RAB20: variants seen among roughly 807,000 people sequenced by gnomAD.
RAB20 encodes the protein RAB20, member RAS oncogene family, also known as ras-related protein Rab-20.
A neutral mutation model predicts 3.7 loss-of-function variants in RAB20; 2 were observed. The observed-to-expected ratio is 0.54, with a 90% CI of 0.22 to 1.69. RAB20 has a LOEUF of 1.69. RAB20 is among the 40% of genes most tolerant of loss of function. RAB20 has a pLI of 0.19. For synonymous variants in RAB20, 126 were observed against 130.8 expected, an observed-to-expected ratio of 0.96 and a Z score of 0.25; for missense variants, 276 against 311.9, an observed-to-expected ratio of 0.88 and a Z score of 0.87.
intron 1 of RAB20, among the ~76,000 whole-genome samples, chr13:110,557,456 C>T (rs963539500): frequency 1.6e-4 from 25 of 152,214 alleles, no homozygotes; most frequent in Admixed American, 6.5e-4. Context: ...CCATCCGGAA[C>T]GCCTGTGCTG....
At position 110,523,716 on chromosome 13, in the gene RAB20, A is replaced by AT; in HGVS notation, c.653dup (p.Asp218GlufsTer6). ...TCTTGGGTGGCTTATGACTGGATAT[A>AT]TCCACTGTGTGTGACGGCCTCTCAG... On this transcript the variant is annotated frameshift_variant, in exon 2 of 2. Coordinates refer to ENST00000267328, the MANE Select transcript of RAB20 (RefSeq NM_017817.3). LOFTEE classifies it low-confidence loss of function (END_TRUNC). The AT allele has an allele frequency of 1.2e-6, 2 of 1,614,202 alleles. No homozygotes were observed. The highest frequency in any genetic ancestry group is 1.7e-6 in the Non-Finnish European group (2 of 1,180,044).
chr13:110,528,378 T>C (rs1884469125), intron 1 of RAB20, among the ~76,000 whole-genome samples: 1 of 139,466 alleles, frequency 7.2e-6, no homozygotes, highest in Admixed American at 7.8e-5. Context: ...ATAGCGCCAC[T>C]GCACTCCAGC....
At chr13:110,549,117 C>T (rs1424406381) in intron 1 of RAB20, among the ~76,000 whole-genome samples, 2 of 152,178 alleles carry the variant, frequency 1.3e-5, no homozygotes, top group African/African-American at 2.4e-5. Flanking sequence ...GTGCGGAGAG[C>T]GGTTAGGCCA....
intron 1 of RAB20, among the ~76,000 whole-genome samples, chr13:110,535,376 G>C (rs1030997392): frequency 6.6e-6 from 1 of 151,548 alleles, no homozygotes; most frequent in Non-Finnish European, 1.5e-5. Flanking sequence ...AGACACTCAC[G>C]GGCTGCTTGG....
intron 1 of RAB20, among the ~76,000 whole-genome samples, chr13:110,535,345 G>A (rs901287318): frequency 1.3e-5 from 2 of 152,194 alleles, no homozygotes; most frequent in Non-Finnish European, 2.9e-5. Context: ...TGAACACCAG[G>A]TACAGTTCCT....
At chr13:110,545,784 C>T (rs1001323877) in intron 1 of RAB20, among the ~76,000 whole-genome samples, 1 of 152,174 alleles carries the variant, frequency 6.6e-6, no homozygotes, top group African/African-American at 2.4e-5. Context: ...AAAAAGGGCA[C>T]AATAGGAGTC....
chr13:110,544,401 A>G (rs1206347166), intron 1 of RAB20, among the ~76,000 whole-genome samples: 1 of 152,240 alleles, frequency 6.6e-6, no homozygotes, highest in Non-Finnish European at 1.5e-5. Context: ...CTGTGGTTCC[A>G]CATAAATTTT....
intron 1 of RAB20, among the ~76,000 whole-genome samples, chr13:110,531,963 C>T (rs925937636): frequency 6.6e-6 from 1 of 152,216 alleles, no homozygotes; most frequent in Non-Finnish European, 1.5e-5. Flanking sequence ...AAGTGCTTTC[C>T]ATTTCACTCT....
chr13:110,543,925 C>A (rs1018605172), intron 1 of RAB20, among the ~76,000 whole-genome samples: 4 of 152,038 alleles, frequency 2.6e-5, no homozygotes, highest in African/African-American at 7.2e-5. Flanking sequence ...CAGGCACCTG[C>A]CACCACACCC....
At chr13:110,539,862 A>T (rs544162110) in intron 1 of RAB20, among the ~76,000 whole-genome samples, 4 of 152,222 alleles carry the variant, frequency 2.6e-5, no homozygotes, top group African/African-American at 9.6e-5. Context: ...GCCCGGCCAC[A>T]TCAATGCATT....
At chr13:110,532,233 A>G (rs1884553962) in intron 1 of RAB20, among the ~76,000 whole-genome samples, 1 of 152,204 alleles carries the variant, frequency 6.6e-6, no homozygotes, top group Admixed American at 6.5e-5. Context: ...CAGGAGTGAA[A>G]ATCAGCAATT....
rs959668557 is a variant in RAB20, at chr13:110,523,536, C to T, written c.*129G>A. 4.1e-6 allele frequency: 6 copies of T among 1,455,990 alleles called. No homozygotes were observed. In the Admixed American group the frequency reaches 7.8e-5, roughly 19 times the overall value. The allele number at this position is 1,455,990 out of a possible 1,614,324, so 90.2% of individuals were successfully genotyped here. ...TTCATAGCCAGCCATCATTTCCACT[C>T]CAACATTCTGCTGCGGGTGTCATTC... On this transcript the variant is annotated 3_prime_UTR_variant, in exon 2 of 2. Transcript: ENST00000267328.
rs1336735214 is a variant in RAB20 at position 110,523,621 on chromosome 13, C to T, written c.*44G>A. 5 of 1,592,486 alleles carry T rather than the reference C, an allele frequency of 3.1e-6. No individual in the cohort carries two copies. The highest frequency in any genetic ancestry group is 1.3e-5 in the African/African-American group (1 of 74,460). ...CAGATCACAGCTTGCCTGGTCAGAC[C>T]CCTTCCCAACATGCACAGTCTGAGT... On this transcript the variant is annotated 3_prime_UTR_variant, in exon 2 of 2. Transcript: ENST00000267328.
In RAB20 at chr13:110,523,871, G is replaced by A. The variant is rs1012523453; in HGVS notation, c.499C>T (p.Leu167=). 3 of 1,614,180 alleles carry A rather than the reference G, an allele frequency of 1.9e-6. No individual in the cohort carries two copies. The highest frequency in any genetic ancestry group is 2.5e-6 in the Non-Finnish European group (3 of 1,180,032). ...LYKKILKYKM[L]DEQDVPAAEQ... ...GCGGCCGGCACATCCTGCTCATCCA[G>A]CATCTTGTACTTGAGGATCTTTTTA... is the stretch of plus-strand genomic sequence containing the variant. The change falls in exon 2 of 2, where the codon CTG becomes TTG. Residue 167 remains leucine (L), a synonymous_variant. Transcript: ENST00000267328.
chr13:110,561,291 G>T, intron 1 of RAB20, 57 bp downstream of exon 1: 2 of 1,483,650 alleles, frequency 1.3e-6, no homozygotes, highest in Non-Finnish European at 1.8e-6. Context: ...GAAGCCCCGC[G>T]CCCCCCGTCC....
chr13:110,546,413 C>T (rs938771433), intron 1 of RAB20, among the ~76,000 whole-genome samples: 1 of 152,192 alleles, frequency 6.6e-6, no homozygotes, highest in African/African-American at 2.4e-5. Flanking sequence ...AGGTACAACC[C>T]TAAATTCACC....
At chr13:110,544,462 T>G (rs1013052149) in intron 1 of RAB20, among the ~76,000 whole-genome samples, 2 of 152,242 alleles carry the variant, frequency 1.3e-5, no homozygotes, top group African/African-American at 4.8e-5. Flanking sequence ...ATGATAGTGA[T>G]TGCATTGAAT....
intron 1 of RAB20, among the ~76,000 whole-genome samples, chr13:110,549,010 A>G (rs906388020): frequency 6.6e-6 from 1 of 152,208 alleles, no homozygotes; most frequent in African/African-American, 2.4e-5. Flanking sequence ...TGATGATTCC[A>G]AACTTCCCAG....
rs1417709706 is a variant in RAB20 at position 110,555,893 on chromosome 13, T to C, written c.172+5455A>G. Among the ~76,000 whole-genome samples, 1 of 152,182 alleles carries C rather than the reference T, an allele frequency of 6.6e-6. No individual in the cohort carries two copies. Among genetic ancestry groups the C allele is most frequent in the Non-Finnish European group, 1.5e-5 (1 of 68,026 alleles). Reference sequence around the variant, plus strand: ...GAGACTTGTTTGCTAGGGGCCCAGCTGAGCCTCCCTCCTCCCTTTGTAACA... The same window carrying C: ...GAGACTTGTTTGCTAGGGGCCCAGCCGAGCCTCCCTCCTCCCTTTGTAACA... On this transcript the variant is annotated intron_variant, in intron 1 of 1. Transcript: ENST00000267328. This position sits in a 1 kb window ranked among gnomAD's most constrained non-coding sequence, Gnocchi z 4.0.
Sources: gnomAD v4.1 joint callset for allele counts (sites outside exome capture counted in the v4.1 genomes callset) on GRCh38, gnomAD v4.1.1 for gene constraint, Gnocchi (gnomAD v3.1) non-coding constraint, MANE v1.5 for transcripts, NCBI Gene and HGNC (gene_info 2026-07-23, HGNC 2026-07-21) for gene names.